Variants in AJAP1 observed in about 807,000 individuals in gnomAD.
AJAP1 encodes adherens junction-associated protein 1.
In AJAP1, 5 loss-of-function variants were observed where a neutral mutation model predicts 35.0. The observed-to-expected ratio is 0.14, with a 90% CI of 0.07 to 0.30. The LOEUF is 0.30. AJAP1 is among the 10% of genes least tolerant of loss of function. AJAP1 has a pLI of 1.00. For synonymous variants in AJAP1, 284 were observed against 249.3 expected, an observed-to-expected ratio of 1.14 and a Z score of -1.31; for missense variants, 586 against 571.0, an observed-to-expected ratio of 1.03 and a Z score of -0.27.
Position 4,788,523 on chromosome 1 carries a change from C to T in AJAP1, c.*6038C>T, listed in dbSNP as rs1245040245. 1.3e-5 allele frequency: 2 copies of T among 152,228 alleles called. No individual in the cohort carries two copies. Among genetic ancestry groups the T allele is most frequent in the Non-Finnish European group, 2.9e-5 (2 of 68,056 alleles). 9.4% of individuals were successfully genotyped at this position (152,228 alleles called of 1,614,324 possible). A position where few individuals can be genotyped will look rare whatever the true frequency, so the allele number is the denominator to read the frequency against. ...CCTAGCTAGGAAACTTAACTCTTTG[C>T]ACAACCTCCCTTTATGCTGAAGGGC... is the stretch of plus-strand genomic sequence containing the variant. On this transcript the variant is annotated 3_prime_UTR_variant, in exon 6 of 6. Coordinates refer to ENST00000378191, the MANE Select transcript of AJAP1 (RefSeq NM_018836.4).
chr1:4,749,574 G>C (rs943633579), intron 2 of AJAP1, among the ~76,000 whole-genome samples: 1 of 152,248 alleles, frequency 6.6e-6, no homozygotes, highest in Non-Finnish European at 1.5e-5. Context: ...ACACTGTGGA[G>C]GCCAGGGGGA....
chr1:4,696,806 T>A (rs114781958), intron 1 of AJAP1, among the ~76,000 whole-genome samples: 2,652 of 152,248 alleles, frequency 0.017, 70 homozygotes, highest in African/African-American at 0.059. Flanking sequence ...TGTCTCTGCA[T>A]GTGCACATGT....
intron 2 of AJAP1, among the ~76,000 whole-genome samples, chr1:4,726,675 T>C (rs1640668271): frequency 6.6e-6 from 1 of 152,056 alleles, no homozygotes; most frequent in African/African-American, 2.4e-5. Flanking sequence ...GTCTCCACTC[T>C]CCAGAAATCC....
At chr1:4,743,609 G>A (rs1226348667) in intron 2 of AJAP1, among the ~76,000 whole-genome samples, 1 of 152,144 alleles carries the variant, frequency 6.6e-6, no homozygotes, top group Non-Finnish European at 1.5e-5. Context: ...CTGAGACATT[G>A]CCAGGAGCTT....
At chr1:4,743,500 G>A (rs978956770) in intron 2 of AJAP1, among the ~76,000 whole-genome samples, 4 of 152,138 alleles carry the variant, frequency 2.6e-5, no homozygotes, top group African/African-American at 4.8e-5. Context: ...CTGCATATTC[G>A]TTCATCCAGA....
chr1:4,672,642 C>A (rs1247374365), intron 1 of AJAP1, among the ~76,000 whole-genome samples: 2 of 152,272 alleles, frequency 1.3e-5, no homozygotes, highest in Middle Eastern at 3.4e-3. Flanking sequence ...CTGGGTCTGC[C>A]TGGTGCTCCA....
At chr1:4,712,748 G>T in intron 2 of AJAP1, 49 bp downstream of exon 2, 1 of 1,481,620 alleles carries the variant, frequency 6.7e-7, no homozygotes, top group South Asian at 1.4e-5. Context: ...TTGAGGGCTG[G>T]GAGCGTGACT....
In AJAP1 at chr1:4,700,874, C is replaced by T. The variant is rs1317549365; in HGVS notation, c.30-11026C>T. Among the ~76,000 whole-genome samples, 3 of 152,190 alleles carry T rather than the reference C, an allele frequency of 2.0e-5. No individual in the cohort carries two copies. The East Asian group carries it at 5.8e-4, about 29-fold the overall frequency. On this transcript the variant is annotated intron_variant, in intron 1 of 5. Coordinates refer to ENST00000378191, the MANE Select transcript of AJAP1 (RefSeq NM_018836.4). ...CGTGGGGCAGCTGGTCTGGACTGGC[C>T]TCCCCTCTGTCTTCCTGTGGAATTG...
intron 2 of AJAP1, among the ~76,000 whole-genome samples, chr1:4,753,557 T>G (rs1026313476): frequency 1.3e-5 from 2 of 152,218 alleles, no homozygotes; most frequent in Non-Finnish European, 2.9e-5. Flanking sequence ...CTATTTTCTT[T>G]AATATATTAA....
intron 2 of AJAP1, among the ~76,000 whole-genome samples, chr1:4,725,015 G>A (rs1232507856): frequency 1.3e-5 from 2 of 152,180 alleles, no homozygotes; most frequent in Non-Finnish European, 2.9e-5. Flanking sequence ...AGCGCACACT[G>A]TCTGGCTCTG....
At chr1:4,768,334 A>G (rs1641740346) in intron 2 of AJAP1, among the ~76,000 whole-genome samples, 1 of 141,298 alleles carries the variant, frequency 7.1e-6, no homozygotes, top group Non-Finnish European at 1.6e-5. Flanking sequence ...GGATGCTGTT[A>G]TTCTGTGGAT....
chr1:4,787,426 G>A lies in AJAP1; in HGVS notation c.*4941G>A, dbSNP rs1006940567. The A allele has an allele frequency of 6.7e-6, 2 of 297,300 alleles. No individual in the cohort carries two copies. Among genetic ancestry groups the A allele is most frequent in the African/African-American group, 4.5e-5 (2 of 44,320 alleles). 18.4% of individuals were successfully genotyped at this position (297,300 alleles called of 1,614,324 possible). On this transcript the variant is annotated 3_prime_UTR_variant, in exon 6 of 6. Transcript: ENST00000378191. The stretch of plus-strand genomic sequence containing the variant: ...CTCCTCCTGCGACCCATCACCTACT[G>A]GAAAATTACCACTTGCTGCTTGAGG...
At chr1:4,713,243 G>A (rs985011120) in intron 2 of AJAP1, among the ~76,000 whole-genome samples, 7 of 152,238 alleles carry the variant, frequency 4.6e-5, no homozygotes, top group South Asian at 2.1e-4. Flanking sequence ...AAGAAAGGCC[G>A]AGGCTGGGTA....
chr1:4,721,196 A>G (rs986823106), intron 2 of AJAP1, among the ~76,000 whole-genome samples: 4 of 152,178 alleles, frequency 2.6e-5, no homozygotes, highest in Non-Finnish European at 4.4e-5. Flanking sequence ...AAGCCCAGGC[A>G]TTTGTGAGTG....
chr1:4,726,118 G>A (rs373540937), intron 2 of AJAP1, among the ~76,000 whole-genome samples: 1 of 152,198 alleles, frequency 6.6e-6, no homozygotes, highest in African/African-American at 2.4e-5. Flanking sequence ...GAGCTCCATC[G>A]CCAGCCCCGC....
At chr1:4,673,992 T>C (rs1002039736) in intron 1 of AJAP1, among the ~76,000 whole-genome samples, 1 of 133,638 alleles carries the variant, frequency 7.5e-6, no homozygotes, top group Non-Finnish European at 1.5e-5. Flanking sequence ...TGTATTTTAG[T>C]ATAACTATGT....
chr1:4,668,652 G>A (rs907342577), intron 1 of AJAP1, among the ~76,000 whole-genome samples: 13 of 152,174 alleles, frequency 8.5e-5, no homozygotes, highest in Non-Finnish European at 1.8e-4. Flanking sequence ...TCAGGCTCTG[G>A]TGGCTCAGTC....
At chr1:4,736,327 CCT>C (rs1389750463) in intron 2 of AJAP1, among the ~76,000 whole-genome samples, 1 of 152,234 alleles carries the variant, frequency 6.6e-6, no homozygotes, top group Non-Finnish European at 1.5e-5. Context: ...GCTGTGACCG[CCT>C]TCTCCCTTGG....
chr1:4,667,604 A>G (rs1639158665), intron 1 of AJAP1, among the ~76,000 whole-genome samples: 1 of 152,216 alleles, frequency 6.6e-6, no homozygotes, highest in South Asian at 2.1e-4. Context: ...ATCTAATTCC[A>G]CTGCTGATCT....
Sources: allele counts gnomAD v4.1 joint callset (sites outside exome capture counted in the v4.1 genomes callset), GRCh38; gene constraint gnomAD v4.1.1; transcripts MANE v1.5; gene names NCBI Gene and HGNC (gene_info 2026-07-23, HGNC 2026-07-21).